The following RAD51B variants were observed in gnomAD, a reference collection of about 807,000 sequenced individuals.
RAD51B encodes RAD51 paralog B.
A neutral mutation model predicts 42.2 loss-of-function variants in RAD51B; 38 were observed. That is an observed-to-expected ratio of 0.90 (90% CI 0.70 to 1.18). RAD51B has a LOEUF of 1.18. RAD51B is among the 50% of genes most tolerant of loss of function. The pLI is 0.00. For missense variants in RAD51B, 373 were observed against 400.7 expected (o/e 0.93, Z 0.59); for synonymous variants, 154 against 145.2 (o/e 1.06, Z -0.43).
At chr14:68,242,592 A>G (rs2080413855) in intron 7 of RAD51B, among the ~76,000 whole-genome samples, 1 of 152,194 alleles carries the variant, frequency 6.6e-6, no homozygotes, top group South Asian at 2.1e-4. Context: ...GCCTTACTTC[A>G]TCATCATATA....
intron 8 of RAD51B, among the ~76,000 whole-genome samples, chr14:68,407,932 T>TG (rs1301470646): frequency 6.6e-6 from 1 of 152,178 alleles, no homozygotes; most frequent in Non-Finnish European, 1.5e-5. Context: ...TAGAATTCTC[T>TG]GAAGACACTT....
chr14:68,107,874 T>A (rs1178489239), intron 7 of RAD51B, among the ~76,000 whole-genome samples: 1 of 151,770 alleles, frequency 6.6e-6, no homozygotes, highest in East Asian at 1.9e-4. Flanking sequence ...TAGAGCACAA[T>A]CTTTGTGACC....
chr14:68,465,027 T>G (rs145337251), intron 9 of RAD51B, among the ~76,000 whole-genome samples: 2 of 152,318 alleles, frequency 1.3e-5, no homozygotes, highest in African/African-American at 2.4e-5. Flanking sequence ...GTTGGAAGGC[T>G]TAGGCTCAGA....
chr14:68,106,322 TAACTC>T (rs886439641), intron 7 of RAD51B, among the ~76,000 whole-genome samples: 5 of 151,868 alleles, frequency 3.3e-5, no homozygotes, highest in East Asian at 1.9e-4. Flanking sequence ...ACAGAAAAAA[TAACTC>T]AACAATCATT....
At chr14:68,505,533 T>C (rs1054558544) in intron 10 of RAD51B, among the ~76,000 whole-genome samples, 3 of 151,100 alleles carry the variant, frequency 2.0e-5, no homozygotes, top group South Asian at 4.2e-4. Flanking sequence ...AATGAACTTG[T>C]AGATTAGCCA....
intron 6 of RAD51B, chr14:67,886,532 G>C (rs549635324): frequency 1.8e-5 from 4 of 221,700 alleles, no homozygotes; most frequent in Non-Finnish European, 3.6e-5. Flanking sequence ...AACATAGCAA[G>C]TTGCTTTCCT....
chr14:68,641,627 T>C (rs1892463628), intron 10 of RAD51B, among the ~76,000 whole-genome samples: 1 of 141,638 alleles, frequency 7.1e-6, no homozygotes, highest in African/African-American at 2.6e-5. Flanking sequence ...CCTGTATTTC[T>C]AGTTTACTGA....
intron 11 of RAD51B, among the ~76,000 whole-genome samples, chr14:68,670,218 T>C (rs1019151648): frequency 6.6e-6 from 1 of 152,188 alleles, no homozygotes; most frequent in Non-Finnish European, 1.5e-5. Context: ...TGGGCCCTGC[T>C]GTTGCTGAGG....
chr14:68,257,278 T>C (rs1010760277), intron 7 of RAD51B, among the ~76,000 whole-genome samples: 3 of 152,184 alleles, frequency 2.0e-5, no homozygotes, highest in African/African-American at 7.2e-5. Flanking sequence ...ATAATGGTAA[T>C]AGTTATGTAA....
intron 7 of RAD51B, among the ~76,000 whole-genome samples, chr14:68,111,449 T>C (rs1439271820): frequency 6.6e-6 from 1 of 152,102 alleles, no homozygotes; most frequent in Admixed American, 6.6e-5. Flanking sequence ...ACAAAAGCTC[T>C]CATGTGGTTG....
At chr14:68,395,263 C>G (rs2140028364) in intron 8 of RAD51B, among the ~76,000 whole-genome samples, 1 of 152,262 alleles carries the variant, frequency 6.6e-6, no homozygotes, top group East Asian at 1.9e-4. Flanking sequence ...AAGATTTGCC[C>G]TTCCTCCATA....
intron 7 of RAD51B, among the ~76,000 whole-genome samples, chr14:68,209,096 C>A (rs2079650421): frequency 6.6e-6 from 1 of 152,186 alleles, no homozygotes; most frequent in South Asian, 2.1e-4. Flanking sequence ...GTTTGGAGAT[C>A]AGGAAGATTT....
chr14:67,897,884 TCAGGTGATC>T, intron 7 of RAD51B, among the ~76,000 whole-genome samples: 1 of 152,288 alleles, frequency 6.6e-6, no homozygotes, highest in East Asian at 1.9e-4. Flanking sequence ...ACTCCTGACC[TCAGGTGATC>T]CATCCACCTC....
chr14:68,648,043 G>T (rs942975473), intron 10 of RAD51B, among the ~76,000 whole-genome samples: 3 of 52,888 alleles, frequency 5.7e-5, no homozygotes, highest in African/African-American at 6.7e-5. Context: ...ATATACACAC[G>T]TATATAGATG....
intron 10 of RAD51B, among the ~76,000 whole-genome samples, chr14:68,633,750 C>G (rs1387409196): frequency 6.6e-6 from 1 of 152,248 alleles, no homozygotes; most frequent in Non-Finnish European, 1.5e-5. Context: ...CCCCCACCCA[C>G]ACACACCCAT....
At chr14:68,662,361 CA>C (rs1448578470) in intron 11 of RAD51B, among the ~76,000 whole-genome samples, 3 of 152,220 alleles carry the variant, frequency 2.0e-5, no homozygotes, top group Non-Finnish European at 4.4e-5. Context: ...ATTCAGCCAC[CA>C]TGAATCCAAA....
At chr14:68,526,211 C>G (rs964599051) in intron 10 of RAD51B, among the ~76,000 whole-genome samples, 1 of 152,138 alleles carries the variant, frequency 6.6e-6, no homozygotes, top group South Asian at 2.1e-4. Flanking sequence ...AAATGGGTCC[C>G]AAATCTTGAG....
chr14:67,976,885 C>A (rs2075005748), intron 7 of RAD51B, among the ~76,000 whole-genome samples: 1 of 152,088 alleles, frequency 6.6e-6, no homozygotes, highest in African/African-American at 2.4e-5. Flanking sequence ...AACAAACAAC[C>A]TCATCAACAA....
intron 8 of RAD51B, among the ~76,000 whole-genome samples, chr14:68,324,048 C>T (rs959486125): frequency 6.6e-6 from 1 of 152,204 alleles, no homozygotes; most frequent in Non-Finnish European, 1.5e-5. Context: ...TACCTCCAAT[C>T]TCTAAAAAGT....
Sources: allele counts gnomAD v4.1 joint callset (sites outside exome capture counted in the v4.1 genomes callset), GRCh38; gene constraint gnomAD v4.1.1; transcripts MANE v1.5; gene names NCBI Gene and HGNC (gene_info 2026-07-23, HGNC 2026-07-21).